NWD2: variants seen among roughly 807,000 people sequenced by gnomAD.
The protein encoded by NWD2 is NACHT and WD repeat domain containing 2.
NWD2 carries 37 observed loss-of-function variants against 132.7 expected under a neutral mutation model. The ratio of observed to expected loss-of-function variants is 0.28; its 90% CI spans 0.21 to 0.37. The LOEUF is 0.37. Among genes scored for constraint, NWD2 ranks in the 10% least tolerant of loss-of-function variants. The pLI is 1.00. For synonymous variants in NWD2, 705 were observed against 803.0 expected (o/e 0.88, Z 2.06); for missense variants, 1,592 against 2,122.4 (o/e 0.75, Z 4.91).
intron 3 of NWD2, among the ~76,000 whole-genome samples, chr4:37,398,631 G>C (rs569877004): frequency 1.3e-5 from 2 of 152,058 alleles, no homozygotes; most frequent in Admixed American, 1.3e-4. Context: ...ACAACCTTTG[G>C]CCCCTAAAAA....
intron 1 of NWD2, among the ~76,000 whole-genome samples, chr4:37,288,094 A>C (rs1048598983): frequency 6.6e-6 from 1 of 152,150 alleles, no homozygotes; most frequent in African/African-American, 2.4e-5. Flanking sequence ...CTCACTCGTA[A>C]GTGAGAGTTG....
chr4:37,404,307 C>T (rs1479114284), intron 3 of NWD2, among the ~76,000 whole-genome samples: 1 of 152,158 alleles, frequency 6.6e-6, no homozygotes, highest in African/African-American at 2.4e-5. Flanking sequence ...GTTATTATTG[C>T]CGGGCTTCTA....
chr4:37,403,565 T>A (rs1182029940), intron 3 of NWD2, among the ~76,000 whole-genome samples: 2 of 152,186 alleles, frequency 1.3e-5, no homozygotes, highest in African/African-American at 4.8e-5. Context: ...AGATGAGTTT[T>A]GCCTGCATTT....
chr4:37,357,750 T>C (rs1719899517), intron 3 of NWD2, among the ~76,000 whole-genome samples: 1 of 152,002 alleles, frequency 6.6e-6, no homozygotes. Context: ...CAGTTGGTGA[T>C]AAGTGCTATG....
intron 2 of NWD2, among the ~76,000 whole-genome samples, chr4:37,354,243 A>T (rs1274583878): frequency 6.6e-6 from 1 of 152,114 alleles, no homozygotes; most frequent in Non-Finnish European, 1.5e-5. Context: ...CACCCACCAG[A>T]TGACAGCCAG....
chr4:37,394,739 T>C (rs1720745392), intron 3 of NWD2, among the ~76,000 whole-genome samples: 1 of 151,400 alleles, frequency 6.6e-6, no homozygotes, highest in African/African-American at 2.4e-5. Flanking sequence ...TCCCTGACTG[T>C]CTCATTTACT....
intron 1 of NWD2, among the ~76,000 whole-genome samples, chr4:37,313,553 A>G (rs1291710376): frequency 6.6e-6 from 1 of 150,596 alleles, no homozygotes; most frequent in Admixed American, 6.6e-5. Context: ...CGGTCTATCA[A>G]TTTTGTTGAT....
chr4:37,284,368 A>T (rs1035852981), intron 1 of NWD2, among the ~76,000 whole-genome samples: 1 of 152,256 alleles, frequency 6.6e-6, no homozygotes, highest in African/African-American at 2.4e-5. Context: ...GTAATTGAAC[A>T]TATGAATGAT....
At chr4:37,350,549 G>T (rs28769290) in intron 2 of NWD2, among the ~76,000 whole-genome samples, 4,344 of 152,278 alleles carry the variant, frequency 0.029, 196 homozygotes, top group African/African-American at 0.099. Context: ...CTGAGACTTT[G>T]CTGAAGTTGC....
chr4:37,318,288 A>C (rs1718999493), intron 1 of NWD2, among the ~76,000 whole-genome samples: 1 of 151,960 alleles, frequency 6.6e-6, no homozygotes, highest in South Asian at 2.1e-4. Flanking sequence ...GGCCTCCCAA[A>C]GTGCTGGGAT....
intron 3 of NWD2, among the ~76,000 whole-genome samples, chr4:37,377,166 A>G (rs1720363502): frequency 6.6e-6 from 1 of 152,208 alleles, no homozygotes; most frequent in Admixed American, 6.5e-5. Flanking sequence ...GACCAAACTC[A>G]ATGGCAGATG....
intron 2 of NWD2, among the ~76,000 whole-genome samples, chr4:37,346,733 T>G (rs1287777347): frequency 6.6e-6 from 1 of 152,136 alleles, no homozygotes; most frequent in Non-Finnish European, 1.5e-5. Flanking sequence ...TGCATTTCTT[T>G]TGTTAAATTT....
At chr4:37,346,776 A>G (rs1419336989) in intron 2 of NWD2, among the ~76,000 whole-genome samples, 1 of 152,068 alleles carries the variant, frequency 6.6e-6, no homozygotes, top group South Asian at 2.1e-4. Flanking sequence ...CTTATGAATG[A>G]AAGTGTTTCT....
intron 3 of NWD2, among the ~76,000 whole-genome samples, chr4:37,399,739 T>C (rs192384814): frequency 4.4e-4 from 67 of 152,340 alleles, no homozygotes; most frequent in Admixed American, 2.4e-3. Context: ...CTAAACTCTA[T>C]GCTTTTACTT....
rs1228564685 is a variant in NWD2 at position 37,445,442 on chromosome 4, G to A, written c.3454G>A (p.Asp1152Asn). ...GGFVKFLLIL[D>N]TAQEMVMVDS... ...ATTTGTGAAGTTTCTTCTTATCTTG[G>A]ACACAGCTCAGGAAATGGTCATGGT... is the stretch of plus-strand genomic sequence containing the variant. Residue 1152 changes from aspartate to asparagine, a missense_variant, in exon 7 of 7, where the codon GAC (aspartate) becomes AAC (asparagine). Asp to Asn is a conservative substitution (Grantham distance 23, BLOSUM62 1). Coordinates refer to ENST00000309447, the MANE Select transcript of NWD2 (RefSeq NM_001144990.2). The surrounding 1 kb of genome is among the most constrained non-coding windows in gnomAD (Gnocchi z 4.7). 2.6e-6 allele frequency: 4 copies of A among 1,551,838 alleles called. No homozygotes were observed. The highest frequency in any genetic ancestry group is 3.5e-6 in the Non-Finnish European group (4 of 1,147,034).
chr4:37,372,552 A>G (rs772745972), intron 3 of NWD2, among the ~76,000 whole-genome samples: 1 of 152,256 alleles, frequency 6.6e-6, no homozygotes, highest in East Asian at 1.9e-4. Flanking sequence ...ATGTCAAACT[A>G]CAAGTTATCT....
chr4:37,273,576 C>G (rs922116563), intron 1 of NWD2, among the ~76,000 whole-genome samples: 2 of 152,044 alleles, frequency 1.3e-5, no homozygotes, highest in African/African-American at 4.8e-5. Context: ...CTGCACCAAG[C>G]AGACCTAATA....
chr4:37,313,502 A>G (rs796330177), intron 1 of NWD2, among the ~76,000 whole-genome samples: 7 of 140,748 alleles, frequency 5.0e-5, no homozygotes, highest in African/African-American at 1.9e-4. Flanking sequence ...TATTGTGTCT[A>G]GTTGATTCTT....
intron 1 of NWD2, among the ~76,000 whole-genome samples, chr4:37,324,804 T>C (rs772036016): frequency 6.6e-6 from 1 of 152,164 alleles, no homozygotes; most frequent in South Asian, 2.1e-4. Flanking sequence ...GCTTTCATGA[T>C]TGGTTATTTG....
Sources: allele counts gnomAD v4.1 joint callset (sites outside exome capture counted in the v4.1 genomes callset), GRCh38; gene constraint gnomAD v4.1.1; non-coding constraint Gnocchi (gnomAD v3.1); transcripts MANE v1.5; gene names NCBI Gene and HGNC (gene_info 2026-07-23, HGNC 2026-07-21).